The following RYR2 variants were observed in gnomAD, a reference collection of about 807,000 sequenced individuals.
RYR2 encodes the protein cardiac muscle ryanodine receptor-calcium release channel.
RYR2 carries 227 observed loss-of-function variants against 601.1 expected under a neutral mutation model. The ratio of observed to expected loss-of-function variants is 0.38; its 90% confidence interval spans 0.34 to 0.42. The LOEUF (loss-of-function observed/expected upper bound fraction) is 0.42. Ranked by LOEUF, RYR2 falls within the 10% of genes least tolerant of loss-of-function variation. The pLI, the probability that RYR2 is intolerant of heterozygous loss-of-function variation, is 1.00. For synonymous variants in RYR2, 2,223 were observed against 2,175.1 expected (o/e 1.02, Z -0.61); for missense variants, 4,646 against 6,156.5 (o/e 0.75, Z 8.21).
At chr1:237,445,612 G>C (rs1324069343) in intron 14 of RYR2, 90 bp downstream of exon 14, 1 of 1,502,214 alleles carries the variant, frequency 6.7e-7, no homozygotes, top group Non-Finnish European at 9.1e-7. Context: ...AGTATGCTAT[G>C]ATGGTAATAA....
At chr1:237,571,471 C>T (rs142907829) in intron 29 of RYR2, among the ~76,000 whole-genome samples, 2 of 152,060 alleles carry the variant, frequency 1.3e-5, no homozygotes, top group African/African-American at 4.8e-5. Context: ...TGTGCCAACA[C>T]GCCTCGCTAA....
intron 10 of RYR2, 25 bp from the exon 11 acceptor site, chr1:237,417,024 G>T (rs1705073612): frequency 1.2e-6 from 2 of 1,605,984 alleles, no homozygotes; most frequent in East Asian, 4.5e-5. Context: ...CTCACATTTG[G>T]GCTTTTGTTT....
Position 237,119,314 on chromosome 1 carries a change from A to G in RYR2, c.48+76745A>G, listed in dbSNP as rs1275638742. Among the ~76,000 whole-genome samples the G allele has an allele frequency of 2.0e-5, 3 of 152,320 alleles. No individual in the cohort carries two copies. In the South Asian group the frequency reaches 6.2e-4, roughly 32 times the overall value. On this transcript the variant is annotated intron_variant, in intron 1 of 104. Coordinates refer to ENST00000366574, the MANE Select transcript of RYR2 (RefSeq NM_001035.3). Reference sequence around the variant, plus strand: ...ACTTCATCTCAGATGTCCAGCCTCCAGGACTGTGAGACAAGACGTTCCTAT... The same window carrying G: ...ACTTCATCTCAGATGTCCAGCCTCCGGGACTGTGAGACAAGACGTTCCTAT...
At chr1:237,490,294 A>G (rs898439461) in intron 17 of RYR2, among the ~76,000 whole-genome samples, 2 of 152,246 alleles carry the variant, frequency 1.3e-5, no homozygotes, top group African/African-American at 4.8e-5. Context: ...CAATATATCC[A>G]TGTAACAAAC....
intron 1 of RYR2, among the ~76,000 whole-genome samples, chr1:237,212,885 C>T (rs957451989): frequency 2.6e-5 from 4 of 151,986 alleles, no homozygotes; most frequent in African/African-American, 4.8e-5. Flanking sequence ...AGCAATTCTG[C>T]CTCAGCCTCT....
Position 237,556,823 on chromosome 1 carries a change from A to G in RYR2, c.3214+6132A>G, listed in dbSNP as rs1670936913. ...TTGGTGATATGAGGGAAATCTTTAAAGAGGAGGTATATTAGTTATCTATTC... is the reference window on the plus strand; with the variant it reads ...TTGGTGATATGAGGGAAATCTTTAAGGAGGAGGTATATTAGTTATCTATTC... On this transcript the variant is annotated intron_variant, in intron 27 of 104. Transcript: ENST00000366574. Among the ~76,000 whole-genome samples the G allele has an allele frequency of 6.0e-5, 9 of 148,920 alleles. No individual in the cohort carries two copies. In the Admixed American group the frequency reaches 6.1e-4, roughly 10 times the overall value.
At chr1:237,578,396 C>T (rs61832625) in intron 29 of RYR2, among the ~76,000 whole-genome samples, 34,950 of 152,106 alleles carry the variant, frequency 0.23, 4,291 homozygotes, top group South Asian at 0.37. Flanking sequence ...GCAAAATGAA[C>T]GGCTTTGAAT....
intron 1 of RYR2, among the ~76,000 whole-genome samples, chr1:237,149,901 C>T (rs1359638966): frequency 1.3e-5 from 2 of 152,150 alleles, no homozygotes; most frequent in Non-Finnish European, 2.9e-5. Flanking sequence ...TGATTAGTTA[C>T]ATATGCTGGC....
rs770434178 is a variant in RYR2 at position 237,784,048 on chromosome 1, T to C, written c.12336T>C (p.Asp4112=). Residue 4112 remains aspartate (D), a synonymous_variant, in exon 90 of 105, where the codon GAT becomes GAC. Coordinates refer to ENST00000366574, the MANE Select transcript of RYR2 (RefSeq NM_001035.3). This position sits in a 1 kb window ranked among gnomAD's most constrained non-coding sequence, Gnocchi z 7.1. The part of the protein sequence containing the change: ...LTNLSEHMPN[D]TRLQTFLELA... ...ACCTCTCTGAGCACATGCCCAACGA[T>C]ACCCGACTTCAGACTTTTCTGGAAT... 2 of 1,614,030 alleles carry C rather than the reference T, an allele frequency of 1.2e-6. No individual in the cohort carries two copies. The highest frequency in any genetic ancestry group is 3.3e-5 in the Admixed American group (2 of 60,026).
intron 1 of RYR2, among the ~76,000 whole-genome samples, chr1:237,250,330 A>G (rs190501877): frequency 1.2e-4 from 18 of 152,274 alleles, no homozygotes; most frequent in East Asian, 9.7e-4. Context: ...CTTGTTGCCA[A>G]CATTTTTAGA....
intron 80 of RYR2, among the ~76,000 whole-genome samples, chr1:237,754,253 G>A (rs1692766134): frequency 6.6e-6 from 1 of 151,872 alleles, no homozygotes; most frequent in African/African-American, 2.4e-5. Context: ...TGTCCAGGGA[G>A]TTTATTTTTA....
At chr1:237,373,364 T>C (rs1291840451) in intron 6 of RYR2, among the ~76,000 whole-genome samples, 2 of 152,200 alleles carry the variant, frequency 1.3e-5, no homozygotes, top group African/African-American at 4.8e-5. Context: ...CCACCTAACA[T>C]ACCAGCATAT....
At chr1:237,308,453 A>G (rs12164567) in intron 2 of RYR2, among the ~76,000 whole-genome samples, 69,365 of 151,974 alleles carry the variant, frequency 0.46, 16,794 homozygotes, top group African/African-American at 0.62. Context: ...TCTTGCATGA[A>G]ATCTAAGAAT....
At chr1:237,366,713 A>T (rs201218246) in intron 5 of RYR2, among the ~76,000 whole-genome samples, 1 of 74,212 alleles carries the variant, frequency 1.3e-5, no homozygotes, top group African/African-American at 4.4e-5. Context: ...CACACACTGT[A>T]TATATATATA....
rs187903945 is a variant in RYR2 at position 237,300,029 on chromosome 1, T to C, written c.168+29413T>C. 4.1e-4 allele frequency among the ~76,000 whole-genome samples: 63 copies of C among 152,318 alleles called. No individual in the cohort carries two copies. In the South Asian group the frequency reaches 0.012, roughly 30 times the overall value. Reference sequence around the variant, plus strand: ...ATTCCTATCCTTACCATGGAGCAGATGAAATGCTGAAGTTGACTTTAGGAA... The same window carrying C: ...ATTCCTATCCTTACCATGGAGCAGACGAAATGCTGAAGTTGACTTTAGGAA... On this transcript the variant is annotated intron_variant, in intron 2 of 104. Coordinates refer to ENST00000366574, the MANE Select transcript of RYR2 (RefSeq NM_001035.3).
chr1:237,334,360 A>G (rs1697046521), intron 3 of RYR2, among the ~76,000 whole-genome samples: 1 of 151,876 alleles, frequency 6.6e-6, no homozygotes, highest in Non-Finnish European at 1.5e-5. Context: ...TATTAGTAAA[A>G]TAACTCATAT....
At chr1:237,785,035 C>A in intron 90 of RYR2, 63 bp downstream of exon 90, 1 of 1,179,348 alleles carries the variant, frequency 8.5e-7, no homozygotes, top group Non-Finnish European at 1.2e-6. Flanking sequence ...AATAAATGAT[C>A]ATTAGACCAG....
Position 237,614,701 on chromosome 1 carries a change from A to G in RYR2, c.5573A>G (p.Glu1858Gly), listed in dbSNP as rs758744617. ...PSVFKEAATP[E>G]EESDTLEKEL... ...GTGTTTAAAGAAGCTGCCACTCCGG[A>G]GGAGGAGAGTGACACGCTGGAGAAA... The change falls in exon 37 of 105, where the codon GAG (glutamate) becomes GGG (glycine). Residue 1858 changes from glutamate to glycine, a missense_variant. Transcript: ENST00000366574. This position sits in a 1 kb window ranked among gnomAD's most constrained non-coding sequence, Gnocchi z 4.3. 1 of 1,613,976 alleles carries G rather than the reference A, an allele frequency of 6.2e-7. No individual in the cohort carries two copies. The highest frequency in any genetic ancestry group is 8.5e-7 in the Non-Finnish European group (1 of 1,179,882).
intron 1 of RYR2, among the ~76,000 whole-genome samples, chr1:237,153,929 T>C (rs1675018694): frequency 6.6e-6 from 1 of 152,222 alleles, no homozygotes; most frequent in Non-Finnish European, 1.5e-5. Flanking sequence ...TCTGGGTTGG[T>C]ACTCATGACT....
Sources: gnomAD v4.1 joint callset for allele counts (sites outside exome capture counted in the v4.1 genomes callset) on GRCh38, gnomAD v4.1.1 for gene constraint, Gnocchi (gnomAD v3.1) non-coding constraint, MANE v1.5 for transcripts, NCBI Gene and HGNC (gene_info 2026-07-23, HGNC 2026-07-21) for gene names.